Variants in FRMD6 observed in about 807,000 individuals in gnomAD.
FRMD6 encodes the protein FERM domain-containing protein 6.
In FRMD6, 37 loss-of-function variants were observed where a neutral mutation model predicts 73.2. The ratio of observed to expected loss-of-function variants is 0.51; its 90% CI spans 0.39 to 0.66. FRMD6 has a LOEUF of 0.66. Ranked by LOEUF, FRMD6 falls within the 30% of genes least tolerant of loss-of-function variation. The pLI is 0.00. For synonymous variants in FRMD6, 273 were observed against 282.2 expected (o/e 0.97, Z 0.33); for missense variants, 714 against 780.5 (o/e 0.91, Z 1.02).
At chr14:51,536,520 C>T (rs1182930299) in intron 1 of FRMD6, among the ~76,000 whole-genome samples, 3 of 151,938 alleles carry the variant, frequency 2.0e-5, no homozygotes, top group African/African-American at 7.3e-5. Flanking sequence ...TGGGTTCAAG[C>T]GATTCTCCTG....
chr14:51,465,711 A>G, the FRMD6 span, among the ~76,000 whole-genome samples: 1 of 151,990 alleles, frequency 6.6e-6, no homozygotes, highest in African/African-American at 2.4e-5. Context: ...GATGATGGAC[A>G]TTTAGGTTGT....
intron 1 of FRMD6, among the ~76,000 whole-genome samples, chr14:51,516,824 G>A (rs1241746643): frequency 3.9e-5 from 6 of 152,136 alleles, no homozygotes; most frequent in Non-Finnish European, 7.3e-5. Flanking sequence ...ATGGGATGTC[G>A]AGTCCCTGGG....
chr14:51,601,569 C>A (rs933892870), intron 2 of FRMD6, among the ~76,000 whole-genome samples: 1 of 152,132 alleles, frequency 6.6e-6, no homozygotes, highest in African/African-American at 2.4e-5. Context: ...TTACAAATCT[C>A]TAGAAATTTA....
rs1222774004 is a variant in FRMD6, at chr14:51,729,216, G to C, written c.*1187G>C. The C allele has an allele frequency of 6.6e-6, 1 of 152,154 alleles. No individual in the cohort carries two copies. Among genetic ancestry groups the C allele is most frequent in the East Asian group, 1.9e-4 (1 of 5,186 alleles). The allele number at this position is 152,154 out of a possible 1,614,324, so 9.4% of individuals were successfully genotyped here. A position where few individuals can be genotyped will look rare whatever the true frequency, so the allele number is the denominator to read the frequency against. ...ACCAGACCGATTACATCATTCTCTT[G>C]TGGCGGGACCCAAGTAGAATTGCCT... On this transcript the variant is annotated 3_prime_UTR_variant, in exon 14 of 14. Transcript: ENST00000344768.
chr14:51,699,806 T>A (rs1896184353), intron 3 of FRMD6, among the ~76,000 whole-genome samples: 1 of 151,990 alleles, frequency 6.6e-6, no homozygotes, highest in Non-Finnish European at 1.5e-5. Flanking sequence ...CTTCTTTAGG[T>A]GGGAACTCAA....
chr14:51,723,591 G>T (rs1328012407), intron 12 of FRMD6, among the ~76,000 whole-genome samples: 2 of 151,846 alleles, frequency 1.3e-5, no homozygotes, highest in Non-Finnish European at 2.9e-5. Flanking sequence ...GATCAGCCTG[G>T]CCAACGTGGT....
At chr14:51,549,093 C>T (rs1886636185) in intron 1 of FRMD6, among the ~76,000 whole-genome samples, 1 of 152,102 alleles carries the variant, frequency 6.6e-6, no homozygotes, top group Non-Finnish European at 1.5e-5. Context: ...AATGCTGTTC[C>T]CTGGGAGACC....
intron 1 of FRMD6, among the ~76,000 whole-genome samples, chr14:51,665,470 G>C (rs1256534815): frequency 1.3e-5 from 2 of 152,030 alleles, no homozygotes; most frequent in Non-Finnish European, 2.9e-5. Flanking sequence ...CCTGTCTAAT[G>C]CGTACACACT....
chr14:51,710,078 A>G, intron 7 of FRMD6, among the ~76,000 whole-genome samples: 1 of 152,190 alleles, frequency 6.6e-6, no homozygotes, highest in East Asian at 1.9e-4. Flanking sequence ...TTAAGAAATA[A>G]GAATCTTTTG....
chr14:51,585,939 G>GTGTGTGTGTATATATATA, intron 2 of FRMD6, among the ~76,000 whole-genome samples: 31 of 31,414 alleles, frequency 9.9e-4, no homozygotes, highest in African/African-American at 2.0e-3. Context: ...GTGTGTGTGT[G>GTGTGTGTGTATATATATA]TATATATATA....
the FRMD6 span, among the ~76,000 whole-genome samples, chr14:51,399,169 C>T: frequency 6.6e-6 from 1 of 152,184 alleles, no homozygotes; most frequent in East Asian, 1.9e-4. Context: ...TTCGTCATTC[C>T]CTGAGTCAGA....
intron 10 of FRMD6, among the ~76,000 whole-genome samples, chr14:51,716,384 T>C (rs373913186): frequency 1.3e-5 from 2 of 152,306 alleles, no homozygotes; most frequent in South Asian, 2.1e-4. Flanking sequence ...GTTGTAGTAA[T>C]ATCTAACAGT....
At chr14:51,503,138 G>A (rs112845990) in intron 1 of FRMD6, among the ~76,000 whole-genome samples, 13,669 of 152,220 alleles carry the variant, frequency 0.09, 831 homozygotes, top group Non-Finnish European at 0.14. Context: ...CATATCATCT[G>A]CAAACAAAGA....
intron 1 of FRMD6, among the ~76,000 whole-genome samples, chr14:51,522,550 C>G (rs1425536244): frequency 2.6e-5 from 4 of 152,072 alleles, no homozygotes; most frequent in Admixed American, 2.6e-4. Flanking sequence ...GTTTTCCCTT[C>G]CACTTTTAAA....
At chr14:51,584,367 A>G (rs1389462245) in intron 2 of FRMD6, 1 of 152,236 alleles carries the variant, frequency 6.6e-6, no homozygotes, top group East Asian at 1.9e-4. Flanking sequence ...CACTGGGCTC[A>G]GTGAAAACAG....
intron 1 of FRMD6, among the ~76,000 whole-genome samples, chr14:51,558,475 A>C (rs573838447): frequency 3.7e-4 from 55 of 148,148 alleles, no homozygotes; most frequent in Admixed American, 3.6e-3. Context: ...CAAAAAAAAA[A>C]CAAAAAACAA....
chr14:51,549,695 A>G (rs1429526156), intron 1 of FRMD6, among the ~76,000 whole-genome samples: 1 of 132,836 alleles, frequency 7.5e-6, no homozygotes, highest in East Asian at 2.2e-4. Context: ...CCCCAGGTTC[A>G]CGCCATTCTC....
At chr14:51,514,521 T>G (rs141707473) in intron 1 of FRMD6, among the ~76,000 whole-genome samples, 2,938 of 151,952 alleles carry the variant, frequency 0.019, 46 homozygotes, top group Middle Eastern at 0.031. Flanking sequence ...AATAAATAAA[T>G]AAAAAAAGAT....
intron 1 of FRMD6, among the ~76,000 whole-genome samples, chr14:51,688,837 A>G (rs1422601949): frequency 1.3e-5 from 2 of 152,212 alleles, no homozygotes; most frequent in Admixed American, 6.5e-5. Flanking sequence ...AACAGAAATA[A>G]TGGGTGTAAT....
Sources: allele counts gnomAD v4.1 joint callset (sites outside exome capture counted in the v4.1 genomes callset), GRCh38; gene constraint gnomAD v4.1.1; transcripts MANE v1.5; gene names NCBI Gene and HGNC (gene_info 2026-07-23, HGNC 2026-07-21).